KIZ: variants seen among roughly 807,000 people sequenced by gnomAD.
The protein encoded by KIZ is kizuna centrosomal protein.
In KIZ, 68 loss-of-function variants were observed where a neutral mutation model predicts 79.6. The observed-to-expected ratio is 0.85, with a 90% CI of 0.70 to 1.05. KIZ has a LOEUF of 1.05. Ranked by LOEUF, KIZ falls within the 50% of genes least tolerant of loss-of-function variation. The pLI is 0.00. For missense variants in KIZ, 797 were observed against 800.4 expected, an observed-to-expected ratio of 1.00 and a Z score of 0.05; for synonymous variants, 280 against 281.8, an observed-to-expected ratio of 0.99 and a Z score of 0.06.
intron 3 of KIZ, among the ~76,000 whole-genome samples, chr20:21,141,103 T>C (rs916636477): frequency 5.9e-5 from 9 of 152,124 alleles, no homozygotes; most frequent in Non-Finnish European, 8.8e-5. Context: ...TCTCCCTCAT[T>C]CTGCCCCCCT....
chr20:21,179,808 T>A (rs2034578849), intron 6 of KIZ, among the ~76,000 whole-genome samples: 1 of 152,218 alleles, frequency 6.6e-6, no homozygotes, highest in Admixed American at 6.5e-5. Flanking sequence ...TCCCTGTTGA[T>A]TTATTTTGTG....
intron 7 of KIZ, 73 bp downstream of exon 7, chr20:21,205,657 TTA>T (rs1738729982): frequency 1.1e-5 from 7 of 638,640 alleles, no homozygotes; most frequent in South Asian, 2.2e-5. Context: ...TAATTTTTAT[TTA>T]AAAAAAAAAA....
chr20:21,246,586 A>T lies in KIZ; in HGVS notation c.*10A>T. 1 of 1,525,430 alleles carries T rather than the reference A, an allele frequency of 6.6e-7. No homozygotes were observed. The highest frequency in any genetic ancestry group is 1.4e-5 in the African/African-American group (1 of 72,980). The allele number at this position is 1,525,430 out of a possible 1,614,324, so 94.5% of individuals were successfully genotyped here. A position where few individuals can be genotyped will look rare whatever the true frequency, so the allele number is the denominator to read the frequency against. On this transcript the variant is annotated 3_prime_UTR_variant, in exon 13 of 13. Coordinates refer to ENST00000619189, the MANE Select transcript of KIZ (RefSeq NM_018474.6). ...TGATTTTTATGACTAACGTGCTGTG[A>T]CATTGGTTTCAAATAAAGTCTTTAA...
chr20:21,147,695 A>G (rs936381480), intron 4 of KIZ, among the ~76,000 whole-genome samples: 5 of 152,178 alleles, frequency 3.3e-5, no homozygotes, highest in African/African-American at 1.2e-4. Flanking sequence ...TGCTTCTCAG[A>G]AAGCAATGTT....
At chr20:21,228,688 G>T (rs2036732727) in intron 9 of KIZ, among the ~76,000 whole-genome samples, 1 of 152,078 alleles carries the variant, frequency 6.6e-6, no homozygotes, top group Non-Finnish European at 1.5e-5. Flanking sequence ...TTCTCTTCTG[G>T]TTCATTCCCG....
chr20:21,212,096 AGTT>A, intron 7 of KIZ, among the ~76,000 whole-genome samples: 1 of 152,116 alleles, frequency 6.6e-6, no homozygotes, highest in East Asian at 1.9e-4. Flanking sequence ...CTCAAAAAGA[AGTT>A]GTTTTTGACT....
At chr20:21,135,795 T>C (rs1164369661) in intron 2 of KIZ, among the ~76,000 whole-genome samples, 1 of 152,210 alleles carries the variant, frequency 6.6e-6, no homozygotes, top group Admixed American at 6.5e-5. Context: ...TATTATACTT[T>C]GGATAAGAGT....
chr20:21,235,786 G>A (rs2123468548), intron 11 of KIZ, among the ~76,000 whole-genome samples: 1 of 152,382 alleles, frequency 6.6e-6, no homozygotes, highest in African/African-American at 2.4e-5. Flanking sequence ...TACCCTGGCA[G>A]GGCCACCGTG....
At chr20:21,151,613 TAG>T (rs2033122432) in intron 4 of KIZ, 1 of 152,196 alleles carries the variant, frequency 6.6e-6, no homozygotes, top group African/African-American at 2.4e-5. Flanking sequence ...AGAAGCTCCA[TAG>T]GAGAACGAGT....
At chr20:21,201,696 A>C (rs1443860698) in intron 6 of KIZ, among the ~76,000 whole-genome samples, 9 of 152,258 alleles carry the variant, frequency 5.9e-5, no homozygotes, top group African/African-American at 2.2e-4. Flanking sequence ...TACATTTTTA[A>C]TTAAAGAATT....
intron 6 of KIZ, among the ~76,000 whole-genome samples, chr20:21,202,592 T>C (rs1262852148): frequency 6.6e-6 from 1 of 152,222 alleles, no homozygotes; most frequent in Non-Finnish European, 1.5e-5. Flanking sequence ...GTAATAACAA[T>C]TAAGATTTAT....
At chr20:21,213,070 ACTC>A (rs2036135609) in intron 7 of KIZ, among the ~76,000 whole-genome samples, 1 of 152,100 alleles carries the variant, frequency 6.6e-6, no homozygotes, top group Admixed American at 6.5e-5. Flanking sequence ...GGGGACTAGA[ACTC>A]CTTAAATCCC....
intron 4 of KIZ, among the ~76,000 whole-genome samples, chr20:21,152,852 A>G (rs570314756): frequency 9.4e-4 from 143 of 152,334 alleles, no homozygotes; most frequent in Non-Finnish European, 1.6e-3. Context: ...TATTTATCAT[A>G]TACAAGTTCT....
chr20:21,224,076 C>T (rs1044851300), intron 9 of KIZ, among the ~76,000 whole-genome samples: 12 of 152,164 alleles, frequency 7.9e-5, no homozygotes, highest in African/African-American at 2.9e-4. Context: ...TCACCGCAAC[C>T]TCCGCCTCCC....
At chr20:21,162,574 A>G in intron 5 of KIZ, 67 bp downstream of exon 5, 1 of 1,169,020 alleles carries the variant, frequency 8.6e-7, no homozygotes, top group Non-Finnish European at 1.2e-6. Flanking sequence ...TAAGGACAAA[A>G]TATACTAATT....
chr20:21,176,619 C>T (rs1284346565), intron 6 of KIZ, among the ~76,000 whole-genome samples: 2 of 150,974 alleles, frequency 1.3e-5, no homozygotes, highest in African/African-American at 4.9e-5. Flanking sequence ...GCATCAGAGC[C>T]AGACTCAGAT....
At chr20:21,191,425 G>C (rs2035100569) in intron 6 of KIZ, among the ~76,000 whole-genome samples, 1 of 152,264 alleles carries the variant, frequency 6.6e-6, no homozygotes, top group African/African-American at 2.4e-5. Flanking sequence ...CTGGGTGGAA[G>C]GGCTTTTGGG....
intron 6 of KIZ, among the ~76,000 whole-genome samples, chr20:21,188,632 T>C (rs559691051): frequency 4.1e-4 from 63 of 151,888 alleles, no homozygotes; most frequent in African/African-American, 1.4e-3. Context: ...TCACTTTAGG[T>C]AGCTGGCTCC....
intron 1 of KIZ, among the ~76,000 whole-genome samples, chr20:21,128,095 C>T (rs1247094369): frequency 6.6e-6 from 1 of 152,182 alleles, no homozygotes; most frequent in Admixed American, 6.5e-5. Context: ...TCACTGCAAC[C>T]CCCACCTCCC....
Sources: allele counts gnomAD v4.1 joint callset (sites outside exome capture counted in the v4.1 genomes callset), GRCh38; gene constraint gnomAD v4.1.1; transcripts MANE v1.5; gene names NCBI Gene and HGNC (gene_info 2026-07-23, HGNC 2026-07-21).